Variants in SMAP2 observed in about 807,000 individuals in gnomAD.
SMAP2 encodes small ArfGAP2.
Under a neutral mutation model 56.4 loss-of-function variants are expected in SMAP2, and 25 were observed. The observed-to-expected ratio is 0.44, with a 90% CI of 0.32 to 0.62. The LOEUF (loss-of-function observed/expected upper bound fraction) is 0.62, where lower values mean the gene tolerates loss of function less well. Among genes scored for constraint, SMAP2 ranks in the 20% least tolerant of loss-of-function variants. SMAP2 has a pLI of 0.04. For missense variants in SMAP2, 388 were observed against 545.6 expected, an observed-to-expected ratio of 0.71 and a Z score of 2.88; for synonymous variants, 157 against 181.7, an observed-to-expected ratio of 0.86 and a Z score of 1.09.
intron 1 of SMAP2, among the ~76,000 whole-genome samples, chr1:40,387,009 C>A (rs942170618): frequency 2.6e-5 from 4 of 152,058 alleles, no homozygotes; most frequent in African/African-American, 9.7e-5. Flanking sequence ...CACACCACCA[C>A]GTCCAGCTAA....
At position 40,415,371 on chromosome 1, in the gene SMAP2, G is replaced by A. The variant is rs1345605477; in HGVS notation, c.671G>A (p.Gly224Asp). The A allele has an allele frequency of 2.5e-6, 4 of 1,606,466 alleles. No homozygotes were observed. The highest frequency in any genetic ancestry group is 1.1e-5 in the South Asian group (1 of 90,910). Residue 224 changes from glycine to aspartate, a missense_variant, in exon 7 of 10, where the codon GGT becomes GAT. Transcript: ENST00000372718. ...LASVPSPSSS[G>D]SRKVVGSMPT... ...TCTGTTCCATCCCCTTCTTCTTCCG[G>A]TTCCAGAAAGGTGAGTCTTGTGGGC...
In SMAP2 at chr1:40,386,603, T is replaced by C. The variant is rs534557065; in HGVS notation, c.103+12380T>C. Reference sequence around the variant, plus strand: ...GAGTAAAAATAGGTCCCAGTTTCATTAGACTTCTCATACATTTAAGGAAAA... The same window carrying C: ...GAGTAAAAATAGGTCCCAGTTTCATCAGACTTCTCATACATTTAAGGAAAA... On this transcript the variant is annotated intron_variant, in intron 1 of 9. Transcript: ENST00000372718. The surrounding 1 kb of genome is among the most constrained non-coding windows in gnomAD (Gnocchi z 4.1). Among the ~76,000 whole-genome samples the C allele has an allele frequency of 2.0e-5, 3 of 152,288 alleles. No individual in the cohort carries two copies. Among genetic ancestry groups the C allele is most frequent in the East Asian group, 3.9e-4 (2 of 5,178 alleles).
rs535785904 is a variant in SMAP2 at position 40,349,685 on chromosome 1, A to AT, written c.-83+4782dup. 1.4e-3 allele frequency among the ~76,000 whole-genome samples: 213 copies of AT among 151,936 alleles called. 1 individual carries two copies. In the South Asian group the frequency reaches 0.016, roughly 12 times the overall value. On this transcript the variant is annotated intron_variant, in intron 1 of 6. Transcript: ENST00000435168. ...AGGCACGTGCCACCACATCCAGCTA[A>AT]TTTTTTTGTATTTTTAGTAGAGATG...
chr1:40,417,331 T>C (rs1174546560), intron 9 of SMAP2, among the ~76,000 whole-genome samples: 1 of 150,880 alleles, frequency 6.6e-6, no homozygotes, highest in East Asian at 1.9e-4. Flanking sequence ...TCTGAATCTC[T>C]CCACACATTC....
rs190056221 is a variant in SMAP2 at position 40,414,303 on chromosome 1, G to A, written c.571+63G>A. 70 of 1,482,610 alleles carry A rather than the reference G, an allele frequency of 4.7e-5. No homozygotes were observed. The Admixed American group carries it at 1.2e-3, about 25-fold the overall frequency. 91.8% of individuals were successfully genotyped at this position (1,482,610 alleles called of 1,614,324 possible). A position where few individuals can be genotyped will look rare whatever the true frequency, so the allele number is the denominator to read the frequency against. On this transcript the variant is annotated intron_variant, in intron 6 of 9. Coordinates refer to ENST00000372718, the MANE Select transcript of SMAP2 (RefSeq NM_022733.3). Reference sequence around the variant, plus strand: ...ATTTTGATAAATTCTCAGTGACCCTGGAAGATAGGTAGAGATGGGGTTCTC... The same window carrying A: ...ATTTTGATAAATTCTCAGTGACCCTAGAAGATAGGTAGAGATGGGGTTCTC...
At chr1:40,411,085 G>T (rs1211466650) in intron 4 of SMAP2, among the ~76,000 whole-genome samples, 1 of 152,212 alleles carries the variant, frequency 6.6e-6, no homozygotes, top group Non-Finnish European at 1.5e-5. Context: ...TTATGAAGCT[G>T]TGTGAAAGGG....
At chr1:40,347,251 G>A (rs10889295) in intron 1 of SMAP2, among the ~76,000 whole-genome samples, 1 of 64,344 alleles carries the variant, frequency 1.6e-5, no homozygotes, top group Non-Finnish European at 3.8e-5. Flanking sequence ...TTTTGTTTTT[G>A]TTTTTTTTTT....
intron 9 of SMAP2, 100 bp from the exon 10 acceptor site, chr1:40,421,876 T>G: frequency 7.2e-7 from 1 of 1,390,068 alleles, no homozygotes; most frequent in Non-Finnish European, 1.0e-6. Flanking sequence ...TTTGTCTCAT[T>G]CTCCCCATCC....
In SMAP2 at chr1:40,408,789, G is replaced by A. The variant is rs985059792; in HGVS notation, c.323+51G>A. 1.4e-6 allele frequency: 2 copies of A among 1,461,248 alleles called. No individual in the cohort carries two copies. Among genetic ancestry groups the A allele is most frequent in the Middle Eastern group, 3.5e-4 (2 of 5,748 alleles). 90.5% of individuals were successfully genotyped at this position (1,461,248 alleles called of 1,614,324 possible). ...GGCTGAGTGGTATTTTGATGCTTGG[G>A]GAGAGTCAGACAAGACTCCAGTCCT... On this transcript the variant is annotated intron_variant, in intron 3 of 9. Transcript: ENST00000372718. The surrounding 1 kb of genome is among the most constrained non-coding windows in gnomAD (Gnocchi z 4.3).
At chr1:40,364,914 A>G in intron 2 of SMAP2, 1 of 221,498 alleles carries the variant, frequency 4.5e-6, no homozygotes. Context: ...GCCCAGGCCT[A>G]AATAAGGTGG....
At position 40,374,647 on chromosome 1, in the gene SMAP2, CGAGGAG is replaced by C. The variant is rs754713538; in HGVS notation, c.103+435_103+440del. On this transcript the variant is annotated intron_variant, in intron 1 of 9. Transcript: ENST00000372718. The surrounding 1 kb of genome is among the most constrained non-coding windows in gnomAD (Gnocchi z 5.9). ...TGTGAGAGAGAGAGAGAGAGAATGA[CGAGGAG>C]GAGGAGGAGGGAAGTGAGATGGCGG... 4.7e-6 allele frequency: 7 copies of C among 1,502,482 alleles called. No homozygotes were observed. The highest frequency in any genetic ancestry group is 5.0e-5 in the East Asian group (2 of 40,072). 93.1% of individuals were successfully genotyped at this position (1,502,482 alleles called of 1,614,324 possible). A position where few individuals can be genotyped will look rare whatever the true frequency, so the allele number is the denominator to read the frequency against.
chr1:40,371,755 T>C (rs902052650), upstream of SMAP2, among the ~76,000 whole-genome samples: 2 of 152,232 alleles, frequency 1.3e-5, no homozygotes, highest in Non-Finnish European at 2.9e-5. Flanking sequence ...AAATATTTAG[T>C]GAAGAGCGCT....
rs572920799 is a variant in SMAP2, at chr1:40,388,046, G to C, written c.103+13823G>C. Reference sequence around the variant, plus strand: ...GGTCCCCCAGCAGTGCCGGCCCACCGGCGCTGCGCTGGATTTCTCACCGGG... The same window carrying C: ...GGTCCCCCAGCAGTGCCGGCCCACCCGCGCTGCGCTGGATTTCTCACCGGG... On this transcript the variant is annotated intron_variant, in intron 1 of 9. Coordinates refer to ENST00000372718, the MANE Select transcript of SMAP2 (RefSeq NM_022733.3). 6.6e-5 allele frequency among the ~76,000 whole-genome samples: 10 copies of C among 152,300 alleles called. No individual in the cohort carries two copies. In the East Asian group the frequency reaches 1.9e-3, roughly 30 times the overall value.
In SMAP2 at chr1:40,373,796, G is replaced by A. The variant is rs1644515056; in HGVS notation, c.-325G>A. The stretch of plus-strand genomic sequence containing the variant: ...CGCGGGACGCAAGGCCAGCAGACAG[G>A]CCGGCCAGAGGGTCATCTGCGTCCG... On this transcript the variant is annotated 5_prime_UTR_variant, in exon 1 of 10. Transcript: ENST00000372718. 1 of 216,674 alleles carries A rather than the reference G, an allele frequency of 4.6e-6. No individual in the cohort carries two copies. 13.4% of individuals were successfully genotyped at this position (216,674 alleles called of 1,614,324 possible).
chr1:40,358,323 A>G (rs762405083), intron 1 of SMAP2, among the ~76,000 whole-genome samples: 27 of 151,976 alleles, frequency 1.8e-4, no homozygotes, highest in Non-Finnish European at 3.5e-4. Flanking sequence ...TAGGTGGATT[A>G]CTTGAGGTCA....
chr1:40,403,392 C>T (rs753501130), intron 1 of SMAP2, among the ~76,000 whole-genome samples: 12 of 152,164 alleles, frequency 7.9e-5, no homozygotes, highest in Non-Finnish European at 1.3e-4. Flanking sequence ...ATAGTCCCAG[C>T]TACTCGGGAA....
chr1:40,347,334 G>C (rs1644393630), intron 1 of SMAP2, among the ~76,000 whole-genome samples: 1 of 149,984 alleles, frequency 6.7e-6, no homozygotes. Flanking sequence ...TAGGTGATCT[G>C]CCAGCCTTGA....
At chr1:40,416,088 G>T in intron 7 of SMAP2, 88 bp from the exon 8 acceptor site, 1 of 1,275,808 alleles carries the variant, frequency 7.8e-7, no homozygotes, top group Non-Finnish European at 1.1e-6. Context: ...TATTGCAGAT[G>T]TTAGGAGCAG....
At chr1:40,421,504 CT>C (rs201833985) in intron 9 of SMAP2, among the ~76,000 whole-genome samples, 7 of 151,988 alleles carry the variant, frequency 4.6e-5, no homozygotes, top group South Asian at 4.2e-4. Flanking sequence ...AGTCCAGTTC[CT>C]TTTTTTCCCC....
Sources: allele counts gnomAD v4.1 joint callset (sites outside exome capture counted in the v4.1 genomes callset), GRCh38; gene constraint gnomAD v4.1.1; non-coding constraint Gnocchi (gnomAD v3.1); transcripts MANE v1.5; gene names NCBI Gene and HGNC (gene_info 2026-07-23, HGNC 2026-07-21).